ABLIM1: variants seen among roughly 807,000 people sequenced by gnomAD.
ABLIM1 encodes actin binding LIM protein 1, also known as actin-binding LIM protein 1.
Under a neutral mutation model 107.0 loss-of-function variants are expected in ABLIM1, and 40 were observed. That is an observed-to-expected ratio of 0.37 (90% CI 0.29 to 0.49). The LOEUF is 0.49. Ranked by LOEUF, ABLIM1 falls within the 20% of genes least tolerant of loss-of-function variation. The pLI is 0.97. For missense variants in ABLIM1, 857 were observed against 1,008.5 expected (o/e 0.85, Z 2.04); for synonymous variants, 357 against 357.3 (o/e 1.00, Z 0.01).
chr10:114,597,892 A>G (rs1462912487), intron 2 of ABLIM1, among the ~76,000 whole-genome samples: 1 of 152,212 alleles, frequency 6.6e-6, no homozygotes, highest in African/African-American at 2.4e-5. Flanking sequence ...AGGGAACCAC[A>G]GGAATGCACA....
chr10:114,466,270 A>G (rs2065126155), intron 11 of ABLIM1, among the ~76,000 whole-genome samples: 1 of 152,216 alleles, frequency 6.6e-6, no homozygotes, highest in South Asian at 2.1e-4. Flanking sequence ...TGATTGTGCC[A>G]GTGCACTCCA....
chr10:114,701,547 G>A (rs1370881248), intron 1 of ABLIM1, among the ~76,000 whole-genome samples: 1 of 152,056 alleles, frequency 6.6e-6, no homozygotes, highest in African/African-American at 2.4e-5. Context: ...TAATCAAATT[G>A]TGATATACCT....
chr10:114,718,029 A>AG (rs1555227664), intron 1 of ABLIM1, among the ~76,000 whole-genome samples: 3 of 113,110 alleles, frequency 2.7e-5, no homozygotes, highest in African/African-American at 3.7e-5. Context: ...GAAGGAAGGA[A>AG]GGAGAAAGAG....
At chr10:114,495,373 A>ATGATGATGG (rs1188384868) in intron 6 of ABLIM1, among the ~76,000 whole-genome samples, 1 of 152,020 alleles carries the variant, frequency 6.6e-6, no homozygotes, top group African/African-American at 2.4e-5. Flanking sequence ...TAAAGTAGAG[A>ATGATGATGG]TGATGATGGT....
chr10:114,458,100 G>GTT (rs2133173371), intron 12 of ABLIM1, among the ~76,000 whole-genome samples: 1 of 150,466 alleles, frequency 6.6e-6, no homozygotes, highest in African/African-American at 2.5e-5. Context: ...TACTCTGTGT[G>GTT]TGTGTGTGTG....
chr10:114,626,650 A>T (rs2140560824), intron 1 of ABLIM1, among the ~76,000 whole-genome samples: 1 of 152,254 alleles, frequency 6.6e-6, no homozygotes, highest in Non-Finnish European at 1.5e-5. Flanking sequence ...AAGCCTAGCC[A>T]CATCTAACAC....
chr10:114,487,892 G>T lies in ABLIM1; in HGVS notation c.1041+66C>A, dbSNP rs114326799. 1.4e-3 allele frequency: 2,190 copies of T among 1,576,356 alleles called. 33 individuals are homozygous for T. The African/African-American group carries it at 0.027, about 19-fold the overall frequency. ...AATTTCACCTAAACCCTAGCCCCAA[G>T]AATTAGTGACCACGAGCGTATGGCC... On this transcript the variant is annotated intron_variant, in intron 8 of 22. Coordinates refer to ENST00000533213, the MANE Select transcript of ABLIM1 (RefSeq NM_002313.7).
intron 7 of ABLIM1, among the ~76,000 whole-genome samples, chr10:114,491,360 A>T (rs1409805972): frequency 6.6e-6 from 1 of 152,124 alleles, no homozygotes; most frequent in Non-Finnish European, 1.5e-5. Flanking sequence ...GGAGGCCTCA[A>T]AAAGCCCTTC....
intron 6 of ABLIM1, among the ~76,000 whole-genome samples, chr10:114,513,752 A>C (rs985213236): frequency 2.6e-5 from 4 of 152,216 alleles, no homozygotes; most frequent in African/African-American, 9.6e-5. Flanking sequence ...GCTAGTAGAT[A>C]CAAGCAATCG....
chr10:114,699,170 A>G (rs1160752342), intron 1 of ABLIM1, among the ~76,000 whole-genome samples: 1 of 151,754 alleles, frequency 6.6e-6, no homozygotes, highest in Non-Finnish European at 1.5e-5. Context: ...ATAAAAAACC[A>G]TAATCTAAAT....
chr10:114,441,187 T>C, intron 18 of ABLIM1, 110 bp from the exon 19 acceptor site: 1 of 1,166,060 alleles, frequency 8.6e-7, no homozygotes, highest in Non-Finnish European at 1.2e-6. Context: ...CCAAGCTAAA[T>C]GTCAGACCTT....
At chr10:114,493,825 T>A (rs2059328098) in intron 6 of ABLIM1, among the ~76,000 whole-genome samples, 1 of 152,234 alleles carries the variant, frequency 6.6e-6, no homozygotes, top group South Asian at 2.1e-4. Flanking sequence ...GATGCTGATT[T>A]ATCAAAAATG....
At chr10:114,457,360 C>G (rs754755600) in intron 12 of ABLIM1, among the ~76,000 whole-genome samples, 1 of 152,070 alleles carries the variant, frequency 6.6e-6, no homozygotes, top group Admixed American at 6.5e-5. Context: ...ACCTCCGCCT[C>G]CCAGGTTCAA....
chr10:114,634,129 C>CTTTT lies in ABLIM1; in HGVS notation c.244+23824_244+23827dup, dbSNP rs745875295. ...CGTAAATGCCATTAGCTCAATTTTT[C>CTTTT]TTTTTTTTTTTTTTTTTTTTTGAGA... On this transcript the variant is annotated intron_variant, in intron 1 of 22. Transcript: ENST00000533213. 2.1e-3 allele frequency among the ~76,000 whole-genome samples: 143 copies of CTTTT among 68,276 alleles called. 23 individuals are homozygous for CTTTT. Among genetic ancestry groups the CTTTT allele is most frequent in the Middle Eastern group, 0.011 (1 of 94 alleles). 44.8% of individuals were successfully genotyped at this position (68,276 alleles called of 152,430 possible). A position where few individuals can be genotyped will look rare whatever the true frequency, so the allele number is the denominator to read the frequency against.
At chr10:114,529,818 G>T (rs961756245) in intron 6 of ABLIM1, among the ~76,000 whole-genome samples, 2 of 152,118 alleles carry the variant, frequency 1.3e-5, no homozygotes, top group Non-Finnish European at 2.9e-5. Context: ...CCTGAGGTCA[G>T]GAGTTCAAGA....
chr10:114,481,475 G>C (rs2057363953), intron 8 of ABLIM1, among the ~76,000 whole-genome samples: 2 of 151,850 alleles, frequency 1.3e-5, no homozygotes, highest in African/African-American at 4.8e-5. Flanking sequence ...GATGTGGACA[G>C]TACCTGCCTT....
intron 4 of ABLIM1, among the ~76,000 whole-genome samples, chr10:114,562,345 C>T (rs7091712): frequency 0.076 from 11,612 of 152,092 alleles, 749 homozygotes; most frequent in African/African-American, 0.17. Context: ...CTGGCTAACA[C>T]GGTGAAACCC....
intron 1 of ABLIM1, among the ~76,000 whole-genome samples, chr10:114,645,624 CA>C (rs1452123084): frequency 2.6e-5 from 4 of 152,198 alleles, no homozygotes; most frequent in Non-Finnish European, 5.9e-5. Context: ...GCATGTTCAT[CA>C]GACAGAATAT....
At chr10:114,605,944 G>A (rs1015840530) in intron 1 of ABLIM1, among the ~76,000 whole-genome samples, 2 of 152,056 alleles carry the variant, frequency 1.3e-5, no homozygotes, top group African/African-American at 2.4e-5. Flanking sequence ...GTCTATTAAC[G>A]ATCTCAGGCA....
Sources: allele counts gnomAD v4.1 joint callset (sites outside exome capture counted in the v4.1 genomes callset), GRCh38; gene constraint gnomAD v4.1.1; transcripts MANE v1.5; gene names NCBI Gene and HGNC (gene_info 2026-07-23, HGNC 2026-07-21).